RNF130: variants seen among roughly 807,000 people sequenced by gnomAD.
RNF130 encodes ring finger protein 130, also known as E3 ubiquitin-protein ligase RNF130.
In RNF130, 21 loss-of-function variants were observed where a neutral mutation model predicts 44.6. That is an observed-to-expected ratio of 0.47 (90% confidence interval 0.33 to 0.68). The LOEUF is 0.68. Ranked by LOEUF, RNF130 falls within the 30% of genes least tolerant of loss-of-function variation. The pLI is 0.02. For synonymous variants in RNF130, 214 were observed against 210.4 expected (o/e 1.02, Z -0.15); for missense variants, 479 against 560.6 (o/e 0.85, Z 1.47).
chr5:180,051,268 G>A (rs201962809), intron 1 of RNF130, among the ~76,000 whole-genome samples: 8 of 21,958 alleles, frequency 3.6e-4, no homozygotes, highest in Admixed American at 1.6e-3. Flanking sequence ...TTATTTATTT[G>A]AGACAGAGTC....
exon 8 of RNF130, chr5:179,912,522 G>T (rs1761480645): frequency 6.6e-6 from 1 of 152,222 alleles, no homozygotes; most frequent in Admixed American, 6.5e-5. Context: ...GAGAACGCCT[G>T]GAGACAGCAC....
chr5:180,063,360 G>A (rs137855742), intron 1 of RNF130, among the ~76,000 whole-genome samples: 2 of 152,350 alleles, frequency 1.3e-5, no homozygotes, highest in East Asian at 1.9e-4. Context: ...TGTGGAATGT[G>A]AGCCAAAGAA....
At chr5:180,016,727 G>C (rs1007576139) in intron 2 of RNF130, among the ~76,000 whole-genome samples, 1 of 152,170 alleles carries the variant, frequency 6.6e-6, no homozygotes, top group Non-Finnish European at 1.5e-5. Flanking sequence ...TTCATCCTGA[G>C]AATTTTCAAA....
intron 5 of RNF130, among the ~76,000 whole-genome samples, chr5:179,976,175 A>T (rs1762712415): frequency 6.6e-6 from 1 of 152,218 alleles, no homozygotes; most frequent in Non-Finnish European, 1.5e-5. Context: ...AAAATTATAC[A>T]AAAGGAAAAA....
At chr5:179,949,125 C>T (rs1383584066) in intron 7 of RNF130, among the ~76,000 whole-genome samples, 2 of 151,984 alleles carry the variant, frequency 1.3e-5, no homozygotes, top group Non-Finnish European at 2.9e-5. Flanking sequence ...GCCACCACGC[C>T]CGGCTAATTT....
intron 8 of RNF130, among the ~76,000 whole-genome samples, chr5:179,961,110 T>C (rs1459127420): frequency 6.7e-6 from 1 of 149,502 alleles, no homozygotes; most frequent in Non-Finnish European, 1.5e-5. Context: ...ATGCTTACTG[T>C]TAAAAAAAAA....
At chr5:180,056,871 A>T (rs78425170) in intron 1 of RNF130, among the ~76,000 whole-genome samples, 1 of 152,212 alleles carries the variant, frequency 6.6e-6, no homozygotes, top group Non-Finnish European at 1.5e-5. Flanking sequence ...AGTAACATGA[A>T]TTCATCTCAC....
intron 3 of RNF130, among the ~76,000 whole-genome samples, chr5:179,994,026 C>T (rs528938640): frequency 1.3e-5 from 2 of 152,074 alleles, no homozygotes; most frequent in Non-Finnish European, 2.9e-5. Context: ...GTCAAAGATC[C>T]GATAGTTGTA....
chr5:179,957,750 G>A (rs886919138), intron 8 of RNF130, among the ~76,000 whole-genome samples: 1 of 152,138 alleles, frequency 6.6e-6, no homozygotes, highest in Non-Finnish European at 1.5e-5. Context: ...TAAATACCAA[G>A]AGAAAGAAAA....
chr5:180,019,110 C>A (rs576282923), intron 2 of RNF130, among the ~76,000 whole-genome samples: 1 of 152,252 alleles, frequency 6.6e-6, no homozygotes, highest in African/African-American at 2.4e-5. Context: ...TGAGGCCGGG[C>A]GGGGTGGCTC....
chr5:179,957,135 G>A (rs939220528), intron 8 of RNF130, among the ~76,000 whole-genome samples: 5 of 152,114 alleles, frequency 3.3e-5, no homozygotes, highest in Non-Finnish European at 7.3e-5. Context: ...TTATAGGCTG[G>A]GCCTGGTGGC....
intron 7 of RNF130, among the ~76,000 whole-genome samples, chr5:179,923,436 A>G (rs1438778760): frequency 6.6e-6 from 1 of 152,146 alleles, no homozygotes; most frequent in Non-Finnish European, 1.5e-5. Context: ...TTTAGACTAA[A>G]CTGCTTCCTT....
intron 1 of RNF130, among the ~76,000 whole-genome samples, chr5:180,046,344 G>A (rs961475960): frequency 1.3e-5 from 2 of 152,096 alleles, no homozygotes; most frequent in Admixed American, 6.5e-5. Flanking sequence ...ACACCAAGGC[G>A]AGGAGGCACC....
chr5:180,067,532 A>T (rs375375606), intron 1 of RNF130, among the ~76,000 whole-genome samples: 11 of 152,252 alleles, frequency 7.2e-5, no homozygotes, highest in African/African-American at 2.2e-4. Context: ...AGTGGTTTTT[A>T]AAAAAATTCA....
chr5:180,065,448 G>C (rs533993513), intron 1 of RNF130, among the ~76,000 whole-genome samples: 2 of 152,232 alleles, frequency 1.3e-5, no homozygotes, highest in South Asian at 4.2e-4. Context: ...TTGGGAAGCT[G>C]TACAAAGAAG....
chr5:180,014,648 C>G (rs11739706), intron 2 of RNF130, among the ~76,000 whole-genome samples: 30,396 of 151,992 alleles, frequency 0.2, 3,258 homozygotes, highest in Middle Eastern at 0.25. Flanking sequence ...AAAGAACCAT[C>G]TTTGTGTTAC....
chr5:180,053,235 C>A (rs1764730519), intron 1 of RNF130, among the ~76,000 whole-genome samples: 1 of 152,000 alleles, frequency 6.6e-6, no homozygotes, highest in Non-Finnish European at 1.5e-5. Flanking sequence ...AGATCTCACC[C>A]CTCCGCTTCC....
downstream of RNF130, among the ~76,000 whole-genome samples, chr5:179,951,793 A>T (rs1009370534): frequency 2.6e-5 from 4 of 152,230 alleles, no homozygotes; most frequent in African/African-American, 9.6e-5. Context: ...ATGAACACAT[A>T]GGATTCAAAC....
chr5:179,934,393 T>C (rs2063925391), intron 7 of RNF130, among the ~76,000 whole-genome samples: 1 of 152,182 alleles, frequency 6.6e-6, no homozygotes, highest in South Asian at 2.1e-4. Context: ...TTATGATTAT[T>C]TTTAATGTCT....
Sources: gnomAD v4.1 joint callset for allele counts (sites outside exome capture counted in the v4.1 genomes callset) on GRCh38, gnomAD v4.1.1 for gene constraint, MANE v1.5 for transcripts, NCBI Gene and HGNC (gene_info 2026-07-23, HGNC 2026-07-21) for gene names.